The following METTL4 variants were observed in gnomAD, a reference collection of about 807,000 sequenced individuals.
The protein encoded by METTL4 is methyltransferase 4, N6-adenosine.
Under a neutral mutation model 54.0 loss-of-function variants are expected in METTL4, and 40 were observed. The ratio of observed to expected loss-of-function variants is 0.74; its 90% CI spans 0.58 to 0.96. The LOEUF (loss-of-function observed/expected upper bound fraction) is 0.96, where lower values mean the gene tolerates loss of function less well. Ranked by LOEUF, METTL4 falls within the 50% of genes least tolerant of loss-of-function variation. The probability of loss-of-function intolerance (pLI) is 0.00; values close to 1 mark genes in which losing one functional copy is unlikely to be tolerated. For missense variants in METTL4, 525 were observed against 549.0 expected, an observed-to-expected ratio of 0.96 and a Z score of 0.44; for synonymous variants, 169 against 183.8, an observed-to-expected ratio of 0.92 and a Z score of 0.65.
chr18:2,567,875 G>T (rs2072444661), intron 1 of METTL4, among the ~76,000 whole-genome samples: 1 of 152,116 alleles, frequency 6.6e-6, no homozygotes, highest in African/African-American at 2.4e-5. Context: ...AGAAAAAATT[G>T]TTCTAGTCAG....
intron 2 of METTL4, among the ~76,000 whole-genome samples, chr18:2,565,393 C>G (rs1275074429): frequency 6.6e-6 from 1 of 152,010 alleles, no homozygotes; most frequent in African/African-American, 2.4e-5. Flanking sequence ...GGACAAATAA[C>G]TAATGGGTAC....
chr18:2,564,979 A>G (rs931928692), intron 2 of METTL4, among the ~76,000 whole-genome samples: 2 of 152,184 alleles, frequency 1.3e-5, no homozygotes, highest in African/African-American at 4.8e-5. Flanking sequence ...TAAATGATCA[A>G]TAAATATTTG....
chr18:2,565,919 C>T (rs2072404319), intron 2 of METTL4, among the ~76,000 whole-genome samples: 5 of 151,904 alleles, frequency 3.3e-5, no homozygotes, highest in South Asian at 2.1e-4. Flanking sequence ...TGGTGGCAAG[C>T]GCCTGTAGTC....
At chr18:2,543,462 C>T (rs2072024715) in intron 8 of METTL4, among the ~76,000 whole-genome samples, 1 of 152,158 alleles carries the variant, frequency 6.6e-6, no homozygotes, top group African/African-American at 2.4e-5. Flanking sequence ...ATTCATTGAG[C>T]TTCTATCACA....
chr18:2,558,949 G>C (rs1479302885), intron 3 of METTL4, among the ~76,000 whole-genome samples: 2 of 152,192 alleles, frequency 1.3e-5, no homozygotes, highest in Non-Finnish European at 2.9e-5. Context: ...TACTAGGATA[G>C]CTATTATCAA....
intron 2 of METTL4, among the ~76,000 whole-genome samples, chr18:2,565,431 ATT>A (rs1466485293): frequency 2.0e-5 from 3 of 152,148 alleles, no homozygotes; most frequent in African/African-American, 7.2e-5. Flanking sequence ...TGATGAAATA[ATT>A]TGTACAACAA....
chr18:2,563,688 T>A, intron 3 of METTL4, 109 bp downstream of exon 3: 2 of 625,148 alleles, frequency 3.2e-6, no homozygotes, highest in Non-Finnish European at 2.7e-6. Context: ...CTAAGCCTGA[T>A]CAAAATGATT....
chr18:2,552,855 T>C, intron 4 of METTL4, 91 bp from the exon 5 acceptor site: 3 of 772,072 alleles, frequency 3.9e-6, no homozygotes, highest in Non-Finnish European at 6.6e-6. Flanking sequence ...GTGATTTCAC[T>C]ACGGACACGA....
In METTL4 at chr18:2,566,910, C is replaced by G. The variant is rs1347981001; in HGVS notation, c.307G>C (p.Ala103Pro). Residue 103 changes from alanine to proline, a missense_variant, in exon 2 of 9, where the codon GCT becomes CCT. By Grantham distance (27) the Ala-to-Pro change is conservative. Transcript: ENST00000574538. ...FDVTKPYITP[A>P]VHKECQQSNE... ...CTTTGCTGGCATTCTTTATGAACAG[C>G]TGGAGTTATATAAGGTTTGGTGACA... 1.2e-6 allele frequency: 2 copies of G among 1,613,756 alleles called. No individual in the cohort carries two copies. The highest frequency in any genetic ancestry group is 1.7e-5 in the Admixed American group (1 of 59,986).
At chr18:2,566,706 G>T in intron 2 of METTL4, 115 bp downstream of exon 2, 2 of 807,676 alleles carry the variant, frequency 2.5e-6, no homozygotes, top group South Asian at 2.8e-5. Context: ...AAGCCTTTTT[G>T]GGTTTTACTG....
chr18:2,555,922 C>G (rs142638795), intron 3 of METTL4, among the ~76,000 whole-genome samples: 55 of 152,006 alleles, frequency 3.6e-4, no homozygotes, highest in Admixed American at 7.9e-4. Context: ...AACAAAGGAC[C>G]ACTCCAGCTT....
intron 3 of METTL4, among the ~76,000 whole-genome samples, chr18:2,559,702 T>C (rs1365846121): frequency 6.6e-6 from 1 of 152,180 alleles, no homozygotes; most frequent in Non-Finnish European, 1.5e-5. Flanking sequence ...TGCTAACAAA[T>C]TTGACAACTA....
chr18:2,552,861 C>T, intron 4 of METTL4, 97 bp from the exon 5 acceptor site: 1 of 739,804 alleles, frequency 1.4e-6, no homozygotes, highest in Non-Finnish European at 2.3e-6. Context: ...TCACTACGGA[C>T]ACGAATATAA....
In METTL4 at chr18:2,554,954, G is replaced by A. The variant is rs1485202040; in HGVS notation, c.544C>T (p.Gln182Ter). The A allele has an allele frequency of 1.9e-6, 3 of 1,613,862 alleles. No individual in the cohort carries two copies. Among genetic ancestry groups the A allele is most frequent in the South Asian group, 2.2e-5 (2 of 91,088 alleles). Residue 182 changes from glutamine (Q) to a stop codon, truncating the protein, a stop_gained, in exon 4 of 9, where the codon CAG becomes TAG. Coordinates refer to ENST00000574538, the MANE Select transcript of METTL4 (RefSeq NM_022840.5). LOFTEE classifies it high-confidence loss of function. ...GTAATGGGCTTACTACCCTTGTCCT[G>A]TTTTTCAAAAAGTGGATAAAGAAAA... ...SGFLYPLFEKQDKGSKPITLP... is the reference protein window; with the variant it reads ...SGFLYPLFEK
At chr18:2,559,630 A>G (rs533790803) in intron 3 of METTL4, among the ~76,000 whole-genome samples, 5 of 152,242 alleles carry the variant, frequency 3.3e-5, no homozygotes, top group African/African-American at 7.2e-5. Flanking sequence ...AAGCAATGAA[A>G]AAGTTATCAT....
At chr18:2,548,351 C>T (rs2072102921) in intron 5 of METTL4, among the ~76,000 whole-genome samples, 1 of 132,324 alleles carries the variant, frequency 7.6e-6, no homozygotes, top group African/African-American at 2.8e-5. Context: ...TGCTTCTAGG[C>T]TATAACTCAT....
At position 2,566,942 on chromosome 18, in the gene METTL4, A is replaced by T; in HGVS notation, c.275T>A (p.Leu92Gln). The T allele has an allele frequency of 6.2e-7, 1 of 1,614,184 alleles. No homozygotes were observed. The highest frequency in any genetic ancestry group is 8.5e-7 in the Non-Finnish European group (1 of 1,180,014). The change falls in exon 2 of 9, where the codon CTG becomes CAG. Residue 92 changes from leucine (L) to glutamine (Q), a missense_variant. Leu to Gln is a moderately radical substitution (Grantham distance 113). Transcript: ENST00000574538. Reference protein sequence around the residue: ...FTRKFVFRPELFDVTKPYITP... With the variant: ...FTRKFVFRPEQFDVTKPYITP... ...TATATAAGGTTTGGTGACATCAAAC[A>T]GTTCAGGTCGAAAAACAAATTTTCG...
At chr18:2,554,321 G>A (rs1366580369) in intron 4 of METTL4, 3 of 200,460 alleles carry the variant, frequency 1.5e-5, no homozygotes, top group Admixed American at 5.9e-5. Context: ...GGAATGATGT[G>A]GGAATTGATA....
At chr18:2,547,238 G>T in intron 6 of METTL4, 117 bp downstream of exon 6, 2 of 744,920 alleles carry the variant, frequency 2.7e-6, no homozygotes, top group Non-Finnish European at 3.9e-6. Context: ...GCAAAAGTCT[G>T]AATTAGCCCA....
Sources: gnomAD v4.1 joint callset for allele counts (sites outside exome capture counted in the v4.1 genomes callset) on GRCh38, gnomAD v4.1.1 for gene constraint, MANE v1.5 for transcripts, NCBI Gene and HGNC (gene_info 2026-07-23, HGNC 2026-07-21) for gene names.